Variants in FARP2 observed in about 807,000 individuals in gnomAD.
FARP2 encodes FERM, ARHGEF and pleckstrin domain-containing protein 2.
FARP2 carries 111 observed loss-of-function variants against 130.5 expected under a neutral mutation model. The ratio of observed to expected loss-of-function variants is 0.85; its 90% confidence interval spans 0.73 to 1.00. The LOEUF (loss-of-function observed/expected upper bound fraction) is 1.00, where lower values mean the gene tolerates loss of function less well. Among genes scored for constraint, FARP2 ranks in the 50% least tolerant of loss-of-function variants. The probability of loss-of-function intolerance (pLI) is 0.00; values close to 1 mark genes in which losing one functional copy is unlikely to be tolerated. For synonymous variants in FARP2, 504 were observed against 516.9 expected, an observed-to-expected ratio of 0.98 and a Z score of 0.34; for missense variants, 1,385 against 1,346.3, an observed-to-expected ratio of 1.03 and a Z score of -0.45.
At chr2:241,453,966 A>G (rs947623618) in intron 13 of FARP2, among the ~76,000 whole-genome samples, 1 of 147,192 alleles carries the variant, frequency 6.8e-6, no homozygotes, top group African/African-American at 2.5e-5. Flanking sequence ...GTATTTTTTT[A>G]GTAGAGACAG....
At chr2:241,425,247 A>G (rs1372386366) in intron 8 of FARP2, among the ~76,000 whole-genome samples, 1 of 152,190 alleles carries the variant, frequency 6.6e-6, no homozygotes, top group Non-Finnish European at 1.5e-5. Context: ...AAATCTAGGC[A>G]ATGCCATTCA....
At chr2:241,363,436 T>G (rs2061235071) in intron 1 of FARP2, among the ~76,000 whole-genome samples, 1 of 152,168 alleles carries the variant, frequency 6.6e-6, no homozygotes, top group Admixed American at 6.5e-5. Flanking sequence ...AGCCGTAGGT[T>G]TCTGGTTGGA....
At chr2:241,432,662 A>G (rs1336391412) in intron 9 of FARP2, among the ~76,000 whole-genome samples, 1 of 152,220 alleles carries the variant, frequency 6.6e-6, no homozygotes, top group Non-Finnish European at 1.5e-5. Context: ...TAATAATTAC[A>G]TATGAATTTA....
intron 2 of FARP2, among the ~76,000 whole-genome samples, chr2:241,393,079 G>A (rs1440613843): frequency 1.3e-5 from 2 of 151,720 alleles, no homozygotes; most frequent in African/African-American, 4.8e-5. Flanking sequence ...GAGTGCAGTG[G>A]TGGCATCTCA....
intron 9 of FARP2, among the ~76,000 whole-genome samples, chr2:241,432,772 C>T (rs1312543759): frequency 2.0e-5 from 3 of 152,112 alleles, no homozygotes; most frequent in Non-Finnish European, 2.9e-5. Flanking sequence ...GCTGCATTTC[C>T]GTTGTACAAA....
At chr2:241,376,783 T>C (rs1575471183) in intron 2 of FARP2, among the ~76,000 whole-genome samples, 2 of 152,116 alleles carry the variant, frequency 1.3e-5, no homozygotes, top group African/African-American at 4.8e-5. Flanking sequence ...GGCTACAGGG[T>C]GTCGGGTGCA....
chr2:241,381,210 G>A (rs997598531), intron 2 of FARP2, among the ~76,000 whole-genome samples: 2 of 152,038 alleles, frequency 1.3e-5, no homozygotes, highest in African/African-American at 2.4e-5. Context: ...AAGTAGTGCC[G>A]CTCCTGGCCT....
At chr2:241,406,943 G>T (rs1213804713) in intron 4 of FARP2, among the ~76,000 whole-genome samples, 2 of 152,088 alleles carry the variant, frequency 1.3e-5, no homozygotes, top group Admixed American at 1.3e-4. Context: ...GAGTAGCTGG[G>T]ACTACAGTCA....
intron 12 of FARP2, among the ~76,000 whole-genome samples, chr2:241,437,800 GA>G (rs1393405489): frequency 3.3e-5 from 5 of 151,900 alleles, no homozygotes; most frequent in African/African-American, 9.7e-5. Flanking sequence ...GAGTAGCTGG[GA>G]CTGCAGGTGC....
At chr2:241,415,857 G>T (rs2062649527) in intron 7 of FARP2, among the ~76,000 whole-genome samples, 1 of 152,202 alleles carries the variant, frequency 6.6e-6, no homozygotes, top group South Asian at 2.1e-4. Flanking sequence ...AGCAGCTTCA[G>T]TGAGTGGTGA....
intron 2 of FARP2, chr2:241,395,618 G>A (rs748213449): frequency 6.6e-6 from 1 of 152,094 alleles, no homozygotes; most frequent in Non-Finnish European, 1.5e-5. Context: ...TGCTACTTCT[G>A]GTCATGTTGA....
intron 13 of FARP2, 94 bp downstream of exon 13, chr2:241,441,650 G>C (rs1441780782): frequency 6.5e-7 from 1 of 1,548,396 alleles, no homozygotes. Flanking sequence ...GGGAGGGCCG[G>C]TAGGGAGCTC....
chr2:241,389,723 C>T (rs1298610760), intron 2 of FARP2, among the ~76,000 whole-genome samples: 2 of 152,198 alleles, frequency 1.3e-5, no homozygotes, highest in Admixed American at 6.5e-5. Flanking sequence ...ATTATAGAGG[C>T]AGTTGCTTTA....
At chr2:241,404,051 C>A (rs2062267376) in intron 3 of FARP2, 119 bp downstream of exon 3, 1 of 631,628 alleles carries the variant, frequency 1.6e-6, no homozygotes, top group East Asian at 2.8e-5. Flanking sequence ...AAAATATATT[C>A]TTGTTAGCTG....
rs548613555 is a variant in FARP2, at chr2:241,383,056, T to TTAC, written c.183+9767_183+9769dup. 9.9e-4 allele frequency among the ~76,000 whole-genome samples: 150 copies of TTAC among 152,170 alleles called. 1 individual carries two copies. Among genetic ancestry groups the TTAC allele is most frequent in the African/African-American group, 3.5e-3 (146 of 41,526 alleles). ...TATGGTGAAGGAAAGGATAGAAAAATTACGGAAAGCCACACAGATGGGATG... is the reference window on the plus strand; with the variant it reads ...TATGGTGAAGGAAAGGATAGAAAAATTACTACGGAAAGCCACACAGATGGGATG... On this transcript the variant is annotated intron_variant, in intron 2 of 26. Coordinates refer to ENST00000264042, the MANE Select transcript of FARP2 (RefSeq NM_014808.4).
At position 241,410,238 on chromosome 2, in the gene FARP2, C is replaced by T. The variant is rs141065657; in HGVS notation, c.411-795C>T. Among the ~76,000 whole-genome samples, 48 of 152,236 alleles carry T rather than the reference C, an allele frequency of 3.2e-4. No individual in the cohort carries two copies. In the East Asian group the frequency reaches 8.1e-3, roughly 26 times the overall value. ...TAGCCAAGACCAGATATTATCAATC[C>T]GTTAAAAAATTTCACAGCCATGCTT... On this transcript the variant is annotated intron_variant, in intron 5 of 26. Transcript: ENST00000264042.
intron 19 of FARP2, among the ~76,000 whole-genome samples, chr2:241,479,329 C>T (rs968046409): frequency 2.6e-5 from 4 of 152,252 alleles, no homozygotes; most frequent in Non-Finnish European, 4.4e-5. Flanking sequence ...TCTGTAAAAG[C>T]AGCCTGCGCT....
At chr2:241,471,997 CTGTTATGTGGGGAACCTGTTTTCTGGGAA>C in intron 18 of FARP2, among the ~76,000 whole-genome samples, 1 of 73,766 alleles carries the variant, frequency 1.4e-5, no homozygotes, top group South Asian at 3.2e-4. Flanking sequence ...TGAGGAGAAC[CTGTTATGTGGGGAACCTGTTTTCTGGGAA>C]CACTGTTCTG....
chr2:241,408,946 A>G (rs1467328171), intron 5 of FARP2, among the ~76,000 whole-genome samples: 1 of 152,166 alleles, frequency 6.6e-6, no homozygotes, highest in Non-Finnish European at 1.5e-5. Context: ...GTGACCATAG[A>G]TCTTAATAGT....
Sources: allele counts gnomAD v4.1 joint callset (sites outside exome capture counted in the v4.1 genomes callset), GRCh38; gene constraint gnomAD v4.1.1; transcripts MANE v1.5; gene names NCBI Gene and HGNC (gene_info 2026-07-23, HGNC 2026-07-21).